CHRM2: variants seen among roughly 807,000 people sequenced by gnomAD.
CHRM2 encodes muscarinic acetylcholine receptor M2.
In CHRM2, 8 loss-of-function variants were observed where a neutral mutation model predicts 25.0. The ratio of observed to expected loss-of-function variants is 0.32; its 90% CI spans 0.19 to 0.58. The LOEUF is 0.58. Among genes scored for constraint, CHRM2 ranks in the 20% least tolerant of loss-of-function variants. The pLI is 0.88. For missense variants in CHRM2, 440 were observed against 567.1 expected (o/e 0.78, Z 2.28); for synonymous variants, 202 against 205.7 (o/e 0.98, Z 0.15).
At chr7:136,929,413 G>A (rs1317000649) in intron 2 of CHRM2, among the ~76,000 whole-genome samples, 2 of 151,996 alleles carry the variant, frequency 1.3e-5, no homozygotes, top group African/African-American at 4.8e-5. Flanking sequence ...CAGGGGAGCT[G>A]AAGGATATAA....
At chr7:136,938,572 A>G (rs1373547531) in intron 2 of CHRM2, 4 of 892,348 alleles carry the variant, frequency 4.5e-6, no homozygotes, top group East Asian at 4.8e-5. Flanking sequence ...TGGCCCCACC[A>G]TAGCCGCTGC....
In CHRM2 at chr7:136,980,547, A is replaced by G. The variant is rs145240383; in HGVS notation, c.-124-11640A>G. Among the ~76,000 whole-genome samples the G allele has an allele frequency of 5.1e-4, 78 of 152,200 alleles. 1 individual carries two copies. In the East Asian group the frequency reaches 0.014, roughly 28 times the overall value. On this transcript the variant is annotated intron_variant, in intron 2 of 3. Transcript: ENST00000680005. Reference sequence around the variant, plus strand: ...AGTTTTCAAAGGAAATGCTTCCAGCATTTTCCCATTCAGTATGATATTAGC... The same window carrying G: ...AGTTTTCAAAGGAAATGCTTCCAGCGTTTTCCCATTCAGTATGATATTAGC...
intron 2 of CHRM2, among the ~76,000 whole-genome samples, chr7:136,982,745 T>C (rs1452212929): frequency 6.6e-6 from 1 of 152,222 alleles, no homozygotes; most frequent in Non-Finnish European, 1.5e-5. Flanking sequence ...AAAATTCTTT[T>C]CTTTAAGGAT....
At chr7:137,000,860 G>A (rs1043255084) in intron 3 of CHRM2, among the ~76,000 whole-genome samples, 10 of 151,542 alleles carry the variant, frequency 6.6e-5, no homozygotes, top group African/African-American at 9.7e-5. Context: ...TTTCCAATTC[G>A]CTTAACCCCA....
chr7:136,989,897 C>A (rs549740655), intron 2 of CHRM2, among the ~76,000 whole-genome samples: 2 of 152,084 alleles, frequency 1.3e-5, no homozygotes, highest in African/African-American at 2.4e-5. Context: ...AGAGCGCATA[C>A]GTTTTCAACA....
In CHRM2 at chr7:137,015,337, G is replaced by T; in HGVS notation, c.472G>T (p.Ala158Ser). 6.2e-7 allele frequency: 1 copy of T among 1,613,428 alleles called. No individual in the cohort carries two copies. Among genetic ancestry groups the T allele is most frequent in the Non-Finnish European group, 8.5e-7 (1 of 1,179,654 alleles). ...CCTCTCTTTCATCCTCTGGGCTCCA[G>T]CCATTCTCTTCTGGCAGTTCATTGT... is the stretch of plus-strand genomic sequence containing the variant. ...WVLSFILWAPAILFWQFIVGV... is the reference protein window; with the variant it reads ...WVLSFILWAPSILFWQFIVGV... The change falls in exon 4 of 4, where the codon GCC becomes TCC. Residue 158 changes from alanine to serine, a missense_variant. Around this residue, in one of 5 missense-constraint regions of CHRM2, gnomAD observed 27 missense variants for 55.5 expected, o/e 0.49. Coordinates refer to ENST00000680005, the MANE Select transcript of CHRM2 (RefSeq NM_001006630.2). The surrounding 1 kb of genome is among the most constrained non-coding windows in gnomAD (Gnocchi z 5.1).
At position 136,902,135 on chromosome 7, in the gene CHRM2, A is replaced by G. The variant is rs188897273; in HGVS notation, c.-125+32717A>G. The G allele has an allele frequency of 3.3e-4, 50 of 152,166 alleles. 1 individual carries two copies. Among genetic ancestry groups the G allele is most frequent in the African/African-American group, 1.1e-3 (47 of 41,540 alleles). The allele number at this position is 152,166 out of a possible 1,614,324, so 9.4% of individuals were successfully genotyped here. A position where few individuals can be genotyped will look rare whatever the true frequency, so the allele number is the denominator to read the frequency against. ...TCAAAGCCTACTCTCAAAACAAAAT[A>G]TAAAAATAATTGTTAACTACTAACA... On this transcript the variant is annotated intron_variant, in intron 2 of 3. Coordinates refer to ENST00000680005, the MANE Select transcript of CHRM2 (RefSeq NM_001006630.2).
chr7:136,892,999 T>C (rs760319314), intron 2 of CHRM2, among the ~76,000 whole-genome samples: 2 of 152,208 alleles, frequency 1.3e-5, no homozygotes, highest in Non-Finnish European at 2.9e-5. Context: ...TGCATGTCTC[T>C]TCTTTTCTGT....
At chr7:136,888,369 C>T (rs1352807479) in intron 2 of CHRM2, among the ~76,000 whole-genome samples, 1 of 152,202 alleles carries the variant, frequency 6.6e-6, no homozygotes, top group Admixed American at 6.5e-5. Flanking sequence ...TTCTAAGCAC[C>T]TTTCTGATTT....
rs541924641 is a variant in CHRM2, at chr7:136,936,275, G to T, written c.-124-55912G>T. ...TGTTACTGGTCTGGATAAAGCCTTT[G>T]CCTCTGATATACTTTAGATTAAAAT... is the stretch of plus-strand genomic sequence containing the variant. On this transcript the variant is annotated intron_variant, in intron 2 of 3. Transcript: ENST00000680005. 2.0e-5 allele frequency among the ~76,000 whole-genome samples: 3 copies of T among 152,208 alleles called. No individual in the cohort carries two copies. The South Asian group carries it at 6.2e-4, about 32-fold the overall frequency.
At chr7:136,980,366 AT>A (rs1246300141) in intron 2 of CHRM2, among the ~76,000 whole-genome samples, 1 of 152,186 alleles carries the variant, frequency 6.6e-6, no homozygotes, top group Non-Finnish European at 1.5e-5. Context: ...GGTTTTCTAA[AT>A]ATCCAATCAT....
intron 3 of CHRM2, among the ~76,000 whole-genome samples, chr7:137,004,939 A>G (rs1272278360): frequency 6.6e-6 from 1 of 151,998 alleles, no homozygotes. Flanking sequence ...TTGTCTTTCG[A>G]CTGGAAACAA....
intron 2 of CHRM2, among the ~76,000 whole-genome samples, chr7:136,979,811 GT>G (rs1802363016): frequency 6.6e-6 from 1 of 152,130 alleles, no homozygotes; most frequent in South Asian, 2.1e-4. Context: ...CTATATATCT[GT>G]TTTGGTACCA....
chr7:136,939,780 AT>A (rs1324634336), intron 2 of CHRM2, among the ~76,000 whole-genome samples: 1 of 152,230 alleles, frequency 6.6e-6, no homozygotes, highest in African/African-American at 2.4e-5. Flanking sequence ...GTACATAAAA[AT>A]GGACATTTGA....
intron 2 of CHRM2, among the ~76,000 whole-genome samples, chr7:136,960,040 G>A (rs890985443): frequency 6.6e-6 from 1 of 152,186 alleles, no homozygotes; most frequent in Non-Finnish European, 1.5e-5. Flanking sequence ...CTGGGTGAGG[G>A]AGAACGGAGA....
In CHRM2 at chr7:136,947,008, T is replaced by A. The variant is rs368092182; in HGVS notation, c.-124-45179T>A. Among the ~76,000 whole-genome samples, 11 of 152,288 alleles carry A rather than the reference T, an allele frequency of 7.2e-5. No individual in the cohort carries two copies. The East Asian group carries it at 9.7e-4, about 13-fold the overall frequency. On this transcript the variant is annotated intron_variant, in intron 2 of 3. Transcript: ENST00000680005. ...CCAGGGGAGCAAAAGGTTTAGTTAG[T>A]GGATTCATTCTATTGAAATATTCGT... is the stretch of plus-strand genomic sequence containing the variant.
chr7:136,876,635 C>G (rs1796062969), intron 2 of CHRM2, among the ~76,000 whole-genome samples: 1 of 151,916 alleles, frequency 6.6e-6, no homozygotes, highest in East Asian at 1.9e-4. Context: ...TGAGTAACAG[C>G]AACAATAAAA....
intron 3 of CHRM2, among the ~76,000 whole-genome samples, chr7:137,000,101 C>G (rs1484701580): frequency 1.3e-5 from 2 of 151,936 alleles, no homozygotes; most frequent in Non-Finnish European, 2.9e-5. Flanking sequence ...TACTCCCAAC[C>G]TAGCCAGAGT....
At chr7:136,979,168 T>C (rs541956977) in intron 2 of CHRM2, among the ~76,000 whole-genome samples, 2 of 152,302 alleles carry the variant, frequency 1.3e-5, no homozygotes, top group African/African-American at 2.4e-5. Flanking sequence ...GGGTATCTCA[T>C]TGTGGTTTTG....
Sources: allele counts gnomAD v4.1 joint callset (sites outside exome capture counted in the v4.1 genomes callset), GRCh38; gene constraint gnomAD v4.1.1; regional missense constraint gnomAD v4.1.1; non-coding constraint Gnocchi (gnomAD v3.1); transcripts MANE v1.5; gene names NCBI Gene and HGNC (gene_info 2026-07-23, HGNC 2026-07-21).